GABRR3: variants seen among roughly 807,000 people sequenced by gnomAD.
GABRR3 encodes gamma-aminobutyric acid type A receptor subunit rho3.
Under a neutral mutation model 43.2 loss-of-function variants are expected in GABRR3, and 29 were observed. The ratio of observed to expected loss-of-function variants is 0.67; its 90% CI spans 0.50 to 0.92. GABRR3 has a LOEUF of 0.92. Among genes scored for constraint, GABRR3 ranks in the 40% least tolerant of loss-of-function variants. The pLI is 0.00. For synonymous variants in GABRR3, 206 were observed against 195.9 expected, an observed-to-expected ratio of 1.05 and a Z score of -0.43; for missense variants, 576 against 572.3, an observed-to-expected ratio of 1.01 and a Z score of -0.07.
Position 98,013,737 on chromosome 3 carries a change from T to G in GABRR3, c.307-1170A>C, listed in dbSNP as rs184985971. On this transcript the variant is annotated intron_variant, in intron 4 of 9. Transcript: ENST00000621172. ...AACATTAGCCATGTGTAATTTTGAA[T>G]TAGGGTGAGGGCAAATAAACAGAAT... Among the ~76,000 whole-genome samples the G allele has an allele frequency of 2.6e-5, 4 of 152,312 alleles. No individual in the cohort carries two copies. The East Asian group carries it at 7.7e-4, about 29-fold the overall frequency.
intron 7 of GABRR3, among the ~76,000 whole-genome samples, chr3:98,003,295 T>A (rs957025542): frequency 2.0e-5 from 3 of 152,092 alleles, no homozygotes; most frequent in Admixed American, 2.0e-4. Context: ...GGAAAACCTG[T>A]GAAAGAAATT....
chr3:98,025,530 T>C (rs772056593), intron 3 of GABRR3, 37 bp downstream of exon 3: 25 of 1,408,042 alleles, frequency 1.8e-5, no homozygotes, highest in Non-Finnish European at 2.2e-5. Context: ...GACAGTGCAA[T>C]GGGTTTTGAA....
chr3:97,994,539 G>A (rs115577401), intron 8 of GABRR3, among the ~76,000 whole-genome samples: 3,899 of 152,282 alleles, frequency 0.026, 83 homozygotes, highest in South Asian at 0.087. Context: ...AGAGGGTGCT[G>A]TCTGTATTCC....
intron 4 of GABRR3, among the ~76,000 whole-genome samples, chr3:98,014,321 G>C (rs1487245166): frequency 2.6e-5 from 4 of 152,152 alleles, no homozygotes; most frequent in African/African-American, 9.7e-5. Flanking sequence ...ATAAAAGCTT[G>C]TTCTCAGAGC....
intron 7 of GABRR3, among the ~76,000 whole-genome samples, chr3:98,006,960 G>A (rs1706729851): frequency 1.3e-5 from 2 of 152,082 alleles, no homozygotes; most frequent in African/African-American, 4.8e-5. Flanking sequence ...GCACTTTATG[G>A]ATGGATTCAT....
chr3:98,035,216 C>T, exon 1 of GABRR3: 1 of 519,518 alleles, frequency 1.9e-6, no homozygotes, highest in Non-Finnish European at 3.3e-6. Flanking sequence ...TTGAGGAAAA[C>T]AAAGCAGATT....
intron 8 of GABRR3, among the ~76,000 whole-genome samples, chr3:97,993,681 A>C (rs1040416183): frequency 6.6e-6 from 1 of 152,132 alleles, no homozygotes; most frequent in Non-Finnish European, 1.5e-5. Context: ...CTTACTTAGC[A>C]ACAACTAAAT....
downstream of GABRR3, chr3:97,986,546 A>T (rs929264826): frequency 1.1e-4 from 64 of 599,714 alleles, no homozygotes; most frequent in Non-Finnish European, 1.7e-4. Context: ...TAAATCAGAC[A>T]GCTTTCAAAT....
intron 5 of GABRR3, among the ~76,000 whole-genome samples, chr3:98,011,204 G>A (rs545503783): frequency 3.3e-5 from 5 of 152,290 alleles, no homozygotes; most frequent in South Asian, 2.1e-4. Flanking sequence ...GCTCTGTGCC[G>A]AAGTGGTTAA....
chr3:97,988,996 G>A (rs1453334004), intron 9 of GABRR3, among the ~76,000 whole-genome samples: 1 of 150,762 alleles, frequency 6.6e-6, no homozygotes, highest in Non-Finnish European at 1.5e-5. Context: ...GGTTGGTGGT[G>A]TTGGTAGATG....
chr3:97,992,522 TA>T (rs1477668742), intron 9 of GABRR3, among the ~76,000 whole-genome samples: 1 of 152,202 alleles, frequency 6.6e-6, no homozygotes, highest in Non-Finnish European at 1.5e-5. Context: ...ACATGTTAGC[TA>T]TTATTATTAT....
intron 8 of GABRR3, among the ~76,000 whole-genome samples, chr3:97,995,537 C>T (rs1390614629): frequency 1.3e-5 from 2 of 151,466 alleles, no homozygotes; most frequent in Admixed American, 1.3e-4. Context: ...CTTAATCCAA[C>T]TAATTGACAA....
Position 98,007,901 on chromosome 3 carries a change from G to A in GABRR3, c.617C>T (p.Ala206Val), listed in dbSNP as rs781559953. 5.3e-5 allele frequency: 83 copies of A among 1,561,264 alleles called. No individual in the cohort carries two copies. In the South Asian group the frequency reaches 9.7e-4, roughly 18 times the overall value. The change falls in exon 7 of 10, where the codon GCC becomes GTC. Residue 206 changes from alanine (A) to valine (V), a missense_variant. Physicochemically the swap from Ala to Val is moderately conservative, Grantham distance 64 (BLOSUM62 0). Coordinates refer to ENST00000621172, the Ensembl canonical transcript of GABRR3. ...TAGCATTAGGTCATCCTCATTGTAG[G>A]CATCTAAAACATGAAAATATCAGTC...
exon 9 of GABRR3, chr3:97,992,960 C>T (rs1403921708): frequency 1.9e-6 from 3 of 1,613,528 alleles, no homozygotes; most frequent in African/African-American, 2.7e-5. Flanking sequence ...CCCACAGGTA[C>T]ACATCCACAG....
intron 4 of GABRR3, 140 bp downstream of exon 4, chr3:98,017,515 A>G (rs546712306): frequency 1.5e-6 from 1 of 675,580 alleles, no homozygotes. Flanking sequence ...GAGCACAGCA[A>G]TCATGACCCT....
rs566773445 is a variant in GABRR3 at position 98,015,415 on chromosome 3, C to T, written c.306+2240G>A. Among the ~76,000 whole-genome samples the T allele has an allele frequency of 3.3e-5, 5 of 152,276 alleles. No homozygotes were observed. In the East Asian group the frequency reaches 9.6e-4, roughly 29 times the overall value. ...TTCCTCATGTTGGCCAGGCTGGTCT[C>T]GAACTCCTGACCTCAAATGATCTGG... On this transcript the variant is annotated intron_variant, in intron 4 of 9. Coordinates refer to ENST00000621172, the Ensembl canonical transcript of GABRR3.
intron 8 of GABRR3, among the ~76,000 whole-genome samples, chr3:97,996,917 C>T (rs548891759): frequency 6.6e-6 from 1 of 152,240 alleles, no homozygotes; most frequent in Non-Finnish European, 1.5e-5. Flanking sequence ...TTATCATTTC[C>T]AGTTAGCAAC....
chr3:98,009,919 C>T (rs1002243383), intron 5 of GABRR3, among the ~76,000 whole-genome samples: 18 of 152,166 alleles, frequency 1.2e-4, no homozygotes, highest in African/African-American at 3.6e-4. Context: ...AAGGACCCTC[C>T]GAGGTGTTTC....
intron 8 of GABRR3, chr3:98,000,516 G>A (rs2107231420): frequency 6.6e-6 from 1 of 152,198 alleles, no homozygotes; most frequent in East Asian, 1.9e-4. Flanking sequence ...TATTCAGATG[G>A]TATTTTTTCC....
Sources: gnomAD v4.1 joint callset for allele counts (sites outside exome capture counted in the v4.1 genomes callset) on GRCh38, gnomAD v4.1.1 for gene constraint, MANE v1.5 for transcripts, NCBI Gene and HGNC (gene_info 2026-07-23, HGNC 2026-07-21) for gene names.